The following PRDM1 variants were observed in gnomAD, a reference collection of about 807,000 sequenced individuals.
PRDM1 encodes the protein PR domain zinc finger protein 1.
PRDM1 carries 13 observed loss-of-function variants against 62.8 expected under a neutral mutation model. That is an observed-to-expected ratio of 0.21 (90% CI 0.13 to 0.33). The LOEUF is 0.33. Ranked by LOEUF, PRDM1 falls within the 10% of genes least tolerant of loss-of-function variation. PRDM1 has a pLI of 1.00. For missense variants in PRDM1, 895 were observed against 1,058.8 expected, an observed-to-expected ratio of 0.85 and a Z score of 2.15; for synonymous variants, 396 against 417.6, an observed-to-expected ratio of 0.95 and a Z score of 0.63.
chr6:106,099,733 T>G (rs916519279), intron 4 of PRDM1, 181 bp downstream of exon 4: 2 of 748,232 alleles, frequency 2.7e-6, no homozygotes, highest in African/African-American at 1.8e-5. Flanking sequence ...ATTAGGAAAC[T>G]TGATCATTTA....
At chr6:106,010,965 C>T (rs1376649061) in intron 1 of PRDM1, among the ~76,000 whole-genome samples, 1 of 152,160 alleles carries the variant, frequency 6.6e-6, no homozygotes, top group African/African-American at 2.4e-5. Context: ...TAATGCACAT[C>T]TGGGGATTTC....
At chr6:106,070,333 T>G (rs1773492346) in intron 1 of PRDM1, among the ~76,000 whole-genome samples, 1 of 152,206 alleles carries the variant, frequency 6.6e-6, no homozygotes, top group Non-Finnish European at 1.5e-5. Context: ...GGTACACTTT[T>G]GTATCTGCTT....
chr6:106,103,221 G>A (rs1774329755), intron 4 of PRDM1, among the ~76,000 whole-genome samples: 4 of 152,116 alleles, frequency 2.6e-5, no homozygotes, highest in Admixed American at 2.6e-4. Flanking sequence ...ACCGCTGGCA[G>A]GAGATAACAT....
chr6:106,107,127 A>C lies in PRDM1; in HGVS notation c.2119A>C (p.Lys707Gln), dbSNP rs1164224539. The C allele has an allele frequency of 5.6e-6, 9 of 1,614,052 alleles. No homozygotes were observed. The Admixed American group carries it at 1.0e-4, about 18-fold the overall frequency. ...TCTCTGTAGCCTCAAGGTTCACCTG[A>C]AAGGGAACTGCGCTGCGGCCCCGGC... The part of the protein sequence containing the change: ...IHLCSLKVHL[K>Q]GNCAAAPAPG... Residue 707 changes from lysine (K) to glutamine (Q), a missense_variant, in exon 7 of 7, where the codon AAA (lysine) becomes CAA (glutamine). Around this residue, in one of 4 missense-constraint regions of PRDM1, gnomAD observed 164 missense variants for 179.9 expected, o/e 0.91. Coordinates refer to ENST00000369096, the MANE Select transcript of PRDM1 (RefSeq NM_001198.4).
intron 1 of PRDM1, among the ~76,000 whole-genome samples, chr6:106,008,968 C>G (rs1772512755): frequency 6.6e-6 from 1 of 152,194 alleles, no homozygotes; most frequent in Non-Finnish European, 1.5e-5. Flanking sequence ...CAGCGGTGGC[C>G]AGGTCCATGG....
upstream of PRDM1, chr6:106,086,206 C>A (rs948010294): frequency 1.8e-5 from 6 of 338,736 alleles, no homozygotes; most frequent in African/African-American, 8.4e-5. Context: ...AAGCTCTCGG[C>A]GGCTGTGCTA....
chr6:106,033,874 C>A (rs186711128), intron 1 of PRDM1, among the ~76,000 whole-genome samples: 22 of 151,938 alleles, frequency 1.4e-4, no homozygotes, highest in Non-Finnish European at 4.4e-5. Context: ...AGGTTCAGGG[C>A]TTTTCTTTGT....
chr6:105,996,348 A>G (rs1157826385), intron 1 of PRDM1, among the ~76,000 whole-genome samples: 6 of 152,186 alleles, frequency 3.9e-5, no homozygotes, highest in African/African-American at 1.2e-4. Flanking sequence ...TTAATTAACA[A>G]TTAATCATTT....
intron 1 of PRDM1, among the ~76,000 whole-genome samples, chr6:105,999,343 G>T (rs917506417): frequency 7.2e-5 from 11 of 151,814 alleles, no homozygotes; most frequent in African/African-American, 2.7e-4. Flanking sequence ...ATCACTTGAG[G>T]CCAGGAGTTT....
chr6:106,005,935 G>A (rs555225629), intron 1 of PRDM1, among the ~76,000 whole-genome samples: 1 of 152,304 alleles, frequency 6.6e-6, no homozygotes, highest in South Asian at 2.1e-4. Context: ...ATCCAGAAAG[G>A]TTATTTCTCC....
intron 1 of PRDM1, among the ~76,000 whole-genome samples, chr6:106,058,163 C>T (rs1013124688): frequency 1.3e-5 from 2 of 152,132 alleles, no homozygotes; most frequent in South Asian, 2.1e-4. Flanking sequence ...AGCTGCTATA[C>T]AAAGTACCAC....
intron 4 of PRDM1, among the ~76,000 whole-genome samples, chr6:106,104,130 T>C (rs764579784): frequency 3.9e-5 from 6 of 152,164 alleles, no homozygotes; most frequent in Non-Finnish European, 7.3e-5. Context: ...AGGTAAACCA[T>C]GAACATCAGA....
intron 1 of PRDM1, among the ~76,000 whole-genome samples, chr6:106,067,379 C>T (rs1773450354): frequency 6.6e-6 from 1 of 151,806 alleles, no homozygotes; most frequent in African/African-American, 2.4e-5. Flanking sequence ...ATAGAATTAC[C>T]ATATTACCCA....
In PRDM1 at chr6:106,088,365, T is replaced by TGGTGCTGATGGC; in HGVS notation, c.211_222dup (p.Ala71_Gly74dup). The TGGTGCTGATGGC allele has an allele frequency of 1.2e-6, 2 of 1,614,178 alleles. No individual in the cohort carries two copies. The highest frequency in any genetic ancestry group is 1.7e-6 in the Non-Finnish European group (2 of 1,180,040). ...TTGTGAACGACCACCCCTGGGATTC[T>TGGTGCTGATGGC]GGTGCTGATGGCGGTACTTCGGTTC... On this transcript the variant is annotated inframe_insertion, in exon 2 of 7. Coordinates refer to ENST00000369096, the MANE Select transcript of PRDM1 (RefSeq NM_001198.4).
intron 1 of PRDM1, among the ~76,000 whole-genome samples, chr6:106,080,709 A>G (rs548151397): frequency 6.6e-6 from 1 of 152,290 alleles, no homozygotes; most frequent in East Asian, 1.9e-4. Flanking sequence ...TACACATCCT[A>G]ATACTTTTAA....
chr6:106,054,470 T>A (rs1773232453), intron 1 of PRDM1, among the ~76,000 whole-genome samples: 2 of 152,224 alleles, frequency 1.3e-5, no homozygotes, highest in Non-Finnish European at 2.9e-5. Context: ...TTGGCTTTTT[T>A]TCAAGATTTT....
At chr6:106,080,608 G>A (rs1178486882) in intron 1 of PRDM1, among the ~76,000 whole-genome samples, 2 of 152,186 alleles carry the variant, frequency 1.3e-5, no homozygotes, top group African/African-American at 2.4e-5. Context: ...ACAATTAGAA[G>A]GAATTAGAAC....
intron 1 of PRDM1, among the ~76,000 whole-genome samples, chr6:106,002,495 C>T (rs1223784309): frequency 6.6e-6 from 1 of 152,074 alleles, no homozygotes; most frequent in African/African-American, 2.4e-5. Context: ...ATTTTGGATT[C>T]TTTCGTCCTT....
At position 106,043,455 on chromosome 6, in the gene PRDM1, TATC is replaced by T. The variant is rs1474421186; in HGVS notation, c.-66-44743_-66-44741del. ...ACTGAATGAATGAATGAATAAGAGC[TATC>T]ATGTTCTCATAAGACATAGATCTAA... is the stretch of plus-strand genomic sequence containing the variant. On this transcript the variant is annotated intron_variant, in intron 1 of 6. Coordinates refer to the PRDM1 transcript ENST00000652320. Among the ~76,000 whole-genome samples the T allele has an allele frequency of 7.2e-5, 11 of 152,214 alleles. 1 individual carries two copies. Among genetic ancestry groups the T allele is most frequent in the Admixed American group, 5.9e-4 (9 of 15,282 alleles).
Sources: gnomAD v4.1 joint callset for allele counts (sites outside exome capture counted in the v4.1 genomes callset) on GRCh38, gnomAD v4.1.1 for gene constraint, gnomAD v4.1.1 regional missense constraint, MANE v1.5 for transcripts, NCBI Gene and HGNC (gene_info 2026-07-23, HGNC 2026-07-21) for gene names.